Variants in DDX60L observed in about 807,000 individuals in gnomAD.
The protein encoded by DDX60L is DExD/H-box 60 like.
Under a neutral mutation model 211.6 loss-of-function variants are expected in DDX60L, and 191 were observed. That is an observed-to-expected ratio of 0.90 (90% CI 0.80 to 1.02). The LOEUF is 1.02. Ranked by LOEUF, DDX60L falls within the 50% of genes least tolerant of loss-of-function variation. The probability of loss-of-function intolerance (pLI) is 0.00; values close to 1 mark genes in which losing one functional copy is unlikely to be tolerated. For missense variants in DDX60L, 2,007 were observed against 1,984.1 expected (o/e 1.01, Z -0.22); for synonymous variants, 706 against 694.1 (o/e 1.02, Z -0.27).
At chr4:168,391,685 A>G (rs747264678) in intron 28 of DDX60L, 41 bp from the exon 29 acceptor site, 6 of 1,092,182 alleles carry the variant, frequency 5.5e-6, no homozygotes, top group Non-Finnish European at 7.8e-6. Context: ...ACAATATAGC[A>G]TATCTATAAG....
chr4:168,403,664 A>C (rs1001647633), intron 25 of DDX60L, among the ~76,000 whole-genome samples: 2 of 152,224 alleles, frequency 1.3e-5, no homozygotes, highest in African/African-American at 4.8e-5. Flanking sequence ...TGAAAAATGC[A>C]ATTTAGTTCC....
intron 10 of DDX60L, among the ~76,000 whole-genome samples, chr4:168,435,821 T>TAAG (rs1752959896): frequency 6.6e-6 from 1 of 152,156 alleles, no homozygotes; most frequent in Non-Finnish European, 1.5e-5. Flanking sequence ...ATCTAGTGAA[T>TAAG]AAGAAGTAGA....
intron 19 of DDX60L, among the ~76,000 whole-genome samples, chr4:168,418,079 T>C (rs1749875813): frequency 6.6e-6 from 1 of 152,204 alleles, no homozygotes. Context: ...TTTTGTTTTT[T>C]GTTTTGAGAT....
chr4:168,478,360 G>C (rs150638815), intron 1 of DDX60L, among the ~76,000 whole-genome samples: 94 of 152,276 alleles, frequency 6.2e-4, no homozygotes, highest in African/African-American at 2.2e-3. Flanking sequence ...GAGGGAATTA[G>C]GATGAAAATA....
chr4:168,414,295 T>C (rs1749159956), intron 22 of DDX60L, among the ~76,000 whole-genome samples: 4 of 152,090 alleles, frequency 2.6e-5, no homozygotes. Flanking sequence ...AAAAACTTAC[T>C]AGTAAGTACA....
chr4:168,454,758 C>CTTTTTTTTTTTTTTTTTTTGTTTTTT (rs1756279754), intron 7 of DDX60L, among the ~76,000 whole-genome samples: 1 of 88,656 alleles, frequency 1.1e-5, no homozygotes, highest in Non-Finnish European at 2.1e-5. Context: ...AAACAGCTTC[C>CTTTTTTTTTTTTTTTTTTTGTTTTTT]TTTTTTTTTT....
chr4:168,426,645 G>C (rs997877673), intron 14 of DDX60L, among the ~76,000 whole-genome samples: 1 of 152,170 alleles, frequency 6.6e-6, no homozygotes, highest in Non-Finnish European at 1.5e-5. Context: ...CAATGCTTCT[G>C]CTGGCTAGAC....
At chr4:168,376,056 G>A (rs1269443509) in intron 33 of DDX60L, among the ~76,000 whole-genome samples, 1 of 152,186 alleles carries the variant, frequency 6.6e-6, no homozygotes, top group Non-Finnish European at 1.5e-5. Context: ...AGTAGATAGA[G>A]AAGTAGCTGG....
chr4:168,412,621 C>T (rs1261942174), intron 22 of DDX60L, among the ~76,000 whole-genome samples: 2 of 152,222 alleles, frequency 1.3e-5, no homozygotes, highest in African/African-American at 2.4e-5. Flanking sequence ...GAAAAGGACA[C>T]CAGCCTGGCT....
intron 30 of DDX60L, among the ~76,000 whole-genome samples, chr4:168,381,504 T>G (rs931366027): frequency 6.6e-6 from 1 of 152,078 alleles, no homozygotes; most frequent in Non-Finnish European, 1.5e-5. Flanking sequence ...AAATCTAATT[T>G]AATAAATATA....
At position 168,421,774 on chromosome 4, in the gene DDX60L, CG is replaced by C. The variant is rs748239298; in HGVS notation, c.2379del (p.Tyr793Ter). On this transcript the variant is annotated frameshift_variant, in exon 17 of 38. Transcript: ENST00000682922. LOFTEE classifies it high-confidence loss of function. ...TCAAACACTACCTTTGCGGGTGCAA[CG>C]TACACAACCACCCCGACATCGCTCT... ...LRESDVGVVVYVAPAKSLVGQ... is the reference protein window; with the variant it reads ...LRESDVGVVVXVAPAKSLVGQ... 6 of 1,614,076 alleles carry C rather than the reference CG, an allele frequency of 3.7e-6. No individual in the cohort carries two copies. In the Admixed American group the frequency reaches 1.0e-4, roughly 27 times the overall value.
intron 28 of DDX60L, among the ~76,000 whole-genome samples, chr4:168,394,076 T>A (rs1745336387): frequency 6.6e-6 from 1 of 151,978 alleles, no homozygotes; most frequent in African/African-American, 2.4e-5. Flanking sequence ...GCGCTTGTAA[T>A]CCCAGCTACA....
At position 168,462,064 on chromosome 4, in the gene DDX60L, C is replaced by G. The variant is rs777114615; in HGVS notation, c.265-24G>C. The G allele has an allele frequency of 6.7e-6, 10 of 1,492,258 alleles. No homozygotes were observed. In the African/African-American group the frequency reaches 1.4e-4, roughly 21 times the overall value. 92.4% of individuals were successfully genotyped at this position (1,492,258 alleles called of 1,614,324 possible). A position where few individuals can be genotyped will look rare whatever the true frequency, so the allele number is the denominator to read the frequency against. ...TCCTGTGGTGAGAAAAAGAAACAAG[C>G]ACATCATTTTCAAATCTTCCTTTAC... On this transcript the variant is annotated intron_variant, in intron 4 of 37. Transcript: ENST00000682922.
chr4:168,442,354 C>A, intron 9 of DDX60L, among the ~76,000 whole-genome samples: 1 of 151,794 alleles, frequency 6.6e-6, no homozygotes. Flanking sequence ...GAGGGTCCTA[C>A]GCCCACGGAG....
Position 168,391,643 on chromosome 4 carries a change from AC to A in DDX60L, c.3811del (p.Val1271Ter). The A allele has an allele frequency of 7.0e-7, 1 of 1,433,906 alleles. No homozygotes were observed. The highest frequency in any genetic ancestry group is 9.4e-7 in the Non-Finnish European group (1 of 1,068,664). The allele number at this position is 1,433,906 out of a possible 1,614,324, so 88.8% of individuals were successfully genotyped here. A position where few individuals can be genotyped will look rare whatever the true frequency, so the allele number is the denominator to read the frequency against. On this transcript the variant is annotated frameshift_variant and splice_region_variant, in exon 29 of 38. Coordinates refer to ENST00000682922, the MANE Select transcript of DDX60L (RefSeq NM_001012967.3). LOFTEE classifies it high-confidence loss of function. ...EILFVKGLIRVVTATETLALG... is the reference protein window; with the variant it reads ...EILFVKGLIRXVTATETLALG... Reference sequence around the variant, plus strand: ...GGCAAGTGTTTCAGTAGCTGTCACTACCTAGGAAAAAAAAAAAAAAACAGTC... The same window carrying A: ...GGCAAGTGTTTCAGTAGCTGTCACTACTAGGAAAAAAAAAAAAAAACAGTC...
intron 6 of DDX60L, among the ~76,000 whole-genome samples, chr4:168,456,951 C>A (rs1756650199): frequency 6.6e-6 from 1 of 152,016 alleles, no homozygotes; most frequent in African/African-American, 2.4e-5. Flanking sequence ...TGGCTCACAG[C>A]TATAATCCCA....
intron 29 of DDX60L, 115 bp downstream of exon 29, chr4:168,391,425 A>T: frequency 1.4e-6 from 1 of 698,446 alleles, no homozygotes; most frequent in Non-Finnish European, 2.5e-6. Flanking sequence ...GCTATGCCAC[A>T]TAGAAAGTAA....
chr4:168,377,291 CAAATAAATAAATAAAT>C lies in DDX60L; in HGVS notation c.4485+1047_4485+1062del, dbSNP rs200027731. Among the ~76,000 whole-genome samples, 872 of 110,686 alleles carry C rather than the reference CAAATAAATAAATAAAT, an allele frequency of 7.9e-3. 8 individuals carry two copies. The highest frequency in any genetic ancestry group is 0.014 in the South Asian group (51 of 3,758). The allele number at this position is 110,686 out of a possible 152,430, so 72.6% of individuals were successfully genotyped here. ...TGGGTGAGTGAGCAAGACTCTGTCT[CAAATAAATAAATAAAT>C]AAATAAATAAATAAATAAATAAATA... On this transcript the variant is annotated intron_variant, in intron 33 of 37. Coordinates refer to ENST00000682922, the MANE Select transcript of DDX60L (RefSeq NM_001012967.3).
At chr4:168,446,128 A>C (rs1368561223) in intron 9 of DDX60L, among the ~76,000 whole-genome samples, 1 of 150,668 alleles carries the variant, frequency 6.6e-6, no homozygotes, top group South Asian at 2.1e-4. Context: ...TATCTAGAAA[A>C]CCCCATTGTC....
Sources: allele counts gnomAD v4.1 joint callset (sites outside exome capture counted in the v4.1 genomes callset), GRCh38; gene constraint gnomAD v4.1.1; transcripts MANE v1.5; gene names NCBI Gene and HGNC (gene_info 2026-07-23, HGNC 2026-07-21).